The following ARHGAP39 variants were observed in gnomAD, a reference collection of about 807,000 sequenced individuals.
ARHGAP39 encodes rho GTPase-activating protein 39.
A neutral mutation model predicts 106.9 loss-of-function variants in ARHGAP39; 44 were observed. The ratio of observed to expected loss-of-function variants is 0.41; its 90% CI spans 0.32 to 0.53. The LOEUF is 0.53. ARHGAP39 is among the 20% of genes least tolerant of loss of function. The pLI is 0.21. For missense variants in ARHGAP39, 1,496 were observed against 1,577.3 expected, an observed-to-expected ratio of 0.95 and a Z score of 0.87; for synonymous variants, 768 against 693.2, an observed-to-expected ratio of 1.11 and a Z score of -1.69.
At chr8:144,629,641 A>G (rs2130976926) in intron 1 of ARHGAP39, among the ~76,000 whole-genome samples, 1 of 152,374 alleles carries the variant, frequency 6.6e-6, no homozygotes, top group South Asian at 2.1e-4. Context: ...CAACAAAAGT[A>G]GCAGCTTTGT....
chr8:144,666,283 T>C (rs1326798698), intron 1 of ARHGAP39, among the ~76,000 whole-genome samples: 1 of 152,202 alleles, frequency 6.6e-6, no homozygotes, highest in African/African-American at 2.4e-5. Context: ...CAGAAAAGAC[T>C]TCCCTTGTCT....
At position 144,547,529 on chromosome 8, in the gene ARHGAP39, C is replaced by T; in HGVS notation, c.1557G>A (p.Glu519=). The T allele has an allele frequency of 5.4e-6, 8 of 1,482,036 alleles. No homozygotes were observed. The highest frequency in any genetic ancestry group is 1.8e-4 in the Middle Eastern group (1 of 5,552). 91.8% of individuals were successfully genotyped at this position (1,482,036 alleles called of 1,614,324 possible). A position where few individuals can be genotyped will look rare whatever the true frequency, so the allele number is the denominator to read the frequency against. The change falls in exon 5 of 12, where the codon GAG becomes GAA. Residue 519 remains glutamate, a synonymous_variant. Transcript: ENST00000377307. The surrounding 1 kb of genome is among the most constrained non-coding windows in gnomAD (Gnocchi z 5.2). ...PTEGPGDLLV[E]QPLAEEQPPC... ...GGGGCTGTTCCTCGGCCAGGGGCTG[C>T]TCCACAAGCAGGTCCCCGGGGCCCT...
At chr8:144,558,177 A>G (rs11997133) in intron 3 of ARHGAP39, among the ~76,000 whole-genome samples, 14,120 of 152,304 alleles carry the variant, frequency 0.093, 1,536 homozygotes, top group African/African-American at 0.26. Flanking sequence ...GTTGAGACAT[A>G]TAAAAGAAGA....
the ARHGAP39 span, among the ~76,000 whole-genome samples, chr8:144,695,502 G>A: frequency 1.3e-5 from 2 of 152,060 alleles, no homozygotes; most frequent in African/African-American, 4.8e-5. Flanking sequence ...AGGAGAGCCA[G>A]ACACTGCATG....
intron 1 of ARHGAP39, among the ~76,000 whole-genome samples, chr8:144,619,801 C>CGT (rs560695902): frequency 7.4e-6 from 1 of 135,028 alleles, no homozygotes; most frequent in African/African-American, 2.8e-5. Context: ...AGCGCGTGCC[C>CGT]GTGTGTGTGA....
intron 7 of ARHGAP39, 56 bp downstream of exon 7, chr8:144,537,665 C>T: frequency 6.7e-7 from 1 of 1,490,026 alleles, no homozygotes; most frequent in Non-Finnish European, 9.3e-7. Context: ...GCGGCCGAGG[C>T]TGGAGAGCAG....
chr8:144,659,486 G>A (rs1245793137), intron 1 of ARHGAP39, among the ~76,000 whole-genome samples: 1 of 152,264 alleles, frequency 6.6e-6, no homozygotes, highest in South Asian at 2.1e-4. Context: ...ATGACAAAAC[G>A]TCTCTGAGGC....
At chr8:144,640,982 T>C (rs762433435) in intron 1 of ARHGAP39, among the ~76,000 whole-genome samples, 1 of 152,150 alleles carries the variant, frequency 6.6e-6, no homozygotes, top group African/African-American at 2.4e-5. Context: ...ATTGTGAGGG[T>C]CCCACTCTTC....
chr8:144,685,276 GCACACC>G (rs901582579), intron 1 of ARHGAP39, among the ~76,000 whole-genome samples: 1 of 150,500 alleles, frequency 6.6e-6, no homozygotes, highest in African/African-American at 2.5e-5. Flanking sequence ...CTGGACAGGG[GCACACC>G]CACACCCACA....
the ARHGAP39 span, among the ~76,000 whole-genome samples, chr8:144,692,218 C>T: frequency 4.6e-5 from 7 of 151,914 alleles, no homozygotes; most frequent in East Asian, 1.4e-3. Context: ...CTCCTTCCCT[C>T]CCTCCCTGCC....
rs558971484 is a variant in ARHGAP39, at chr8:144,670,770, C to T, written c.-82+14916G>A. Among the ~76,000 whole-genome samples, 1 of 152,192 alleles carries T rather than the reference C, an allele frequency of 6.6e-6. No homozygotes were observed. Among genetic ancestry groups the T allele is most frequent in the Non-Finnish European group, 1.5e-5 (1 of 68,046 alleles). ...AGATTTGCTGTCACAGCCTCATCCC[C>T]GTCCTTCAGACCACACACCGCAGCT... On this transcript the variant is annotated intron_variant, in intron 1 of 11. Transcript: ENST00000377307. This position sits in a 1 kb window ranked among gnomAD's most constrained non-coding sequence, Gnocchi z 4.4.
chr8:144,548,617 T>C lies in ARHGAP39; in HGVS notation c.597-128A>G. ...TTGTACACCTTCCTCGCTGGGGCCC[T>C]GTGGCCTGGCGCCCCTCACACCTGC... On this transcript the variant is annotated intron_variant, in intron 4 of 11. Coordinates refer to ENST00000377307, the MANE Select transcript of ARHGAP39 (RefSeq NM_025251.3). The surrounding 1 kb of genome is among the most constrained non-coding windows in gnomAD (Gnocchi z 7.4). The C allele has an allele frequency of 7.7e-7, 1 of 1,304,468 alleles. No individual in the cohort carries two copies. 80.8% of individuals were successfully genotyped at this position (1,304,468 alleles called of 1,614,324 possible).
rs138559773 is a variant in ARHGAP39 at position 144,596,709 on chromosome 8, C to T, written c.80+8826G>A. 4.1e-3 allele frequency among the ~76,000 whole-genome samples: 617 copies of T among 152,298 alleles called. 5 individuals carry two copies. The highest frequency in any genetic ancestry group is 8.8e-3 in the African/African-American group (366 of 41,560). ...GGTAAGCATCCAGTGCTGCAGGCCC[C>T]GGGTGGCGCGCACTGCCGGGGTCCT... On this transcript the variant is annotated intron_variant, in intron 2 of 11. Coordinates refer to ENST00000377307, the MANE Select transcript of ARHGAP39 (RefSeq NM_025251.3).
chr8:144,591,933 A>G lies in ARHGAP39; in HGVS notation c.81-10656T>C, dbSNP rs907673964. Among the ~76,000 whole-genome samples, 22 of 152,138 alleles carry G rather than the reference A, an allele frequency of 1.4e-4. No individual in the cohort carries two copies. Among genetic ancestry groups the G allele is most frequent in the East Asian group, 1.2e-3 (6 of 5,168 alleles). On this transcript the variant is annotated intron_variant, in intron 2 of 11. Coordinates refer to ENST00000377307, the MANE Select transcript of ARHGAP39 (RefSeq NM_025251.3). The surrounding 1 kb of genome is among the most constrained non-coding windows in gnomAD (Gnocchi z 5.3). ...GGTGCCTGTGGGGAGTGGTGCCTGC[A>G]GGGAGTGGTGCCTGATCTCCTGTTC...
chr8:144,691,232 G>C, the ARHGAP39 span, among the ~76,000 whole-genome samples: 120 of 152,340 alleles, frequency 7.9e-4, 2 homozygotes, highest in Admixed American at 7.5e-3. Context: ...CCCACAGACA[G>C]CTGCTTGGAG....
intron 3 of ARHGAP39, among the ~76,000 whole-genome samples, chr8:144,557,492 T>C (rs1817980898): frequency 6.7e-6 from 1 of 149,398 alleles, no homozygotes; most frequent in African/African-American, 2.5e-5. Flanking sequence ...GGCAAAAGGC[T>C]GAACCTTCGT....
intron 2 of ARHGAP39, among the ~76,000 whole-genome samples, chr8:144,601,872 C>G (rs1434567317): frequency 7.3e-6 from 1 of 136,818 alleles, no homozygotes; most frequent in East Asian, 2.3e-4. Context: ...TGTGCGAGCT[C>G]ACGTACCTGT....
chr8:144,696,834 CT>C, the ARHGAP39 span, among the ~76,000 whole-genome samples: 4 of 152,198 alleles, frequency 2.6e-5, no homozygotes, highest in Non-Finnish European at 4.4e-5. Context: ...CTCCCCTCCC[CT>C]CAGTCCCTAG....
At chr8:144,675,985 C>A (rs1280353659) in intron 1 of ARHGAP39, among the ~76,000 whole-genome samples, 1 of 152,094 alleles carries the variant, frequency 6.6e-6, no homozygotes, top group Non-Finnish European at 1.5e-5. Context: ...TTCTTCCCTC[C>A]CAGTGGGTTC....
Sources: gnomAD v4.1 joint callset for allele counts (sites outside exome capture counted in the v4.1 genomes callset) on GRCh38, gnomAD v4.1.1 for gene constraint, Gnocchi (gnomAD v3.1) non-coding constraint, MANE v1.5 for transcripts, NCBI Gene and HGNC (gene_info 2026-07-23, HGNC 2026-07-21) for gene names.